The following PDE4D variants were observed in gnomAD, a reference collection of about 807,000 sequenced individuals.
PDE4D encodes the protein 3',5'-cyclic-AMP phosphodiesterase 4D.
A neutral mutation model predicts 87.4 loss-of-function variants in PDE4D; 24 were observed. That is an observed-to-expected ratio of 0.27 (90% CI 0.20 to 0.39). The LOEUF (loss-of-function observed/expected upper bound fraction) is 0.39, where lower values mean the gene tolerates loss of function less well. Ranked by LOEUF, PDE4D falls within the 10% of genes least tolerant of loss-of-function variation. The pLI is 1.00. For synonymous variants in PDE4D, 384 were observed against 383.2 expected (o/e 1.00, Z -0.02); for missense variants, 714 against 1,041.0 (o/e 0.69, Z 4.32).
chr5:60,339,235 C>T (rs1214886310), intron 1 of PDE4D, among the ~76,000 whole-genome samples: 2 of 152,044 alleles, frequency 1.3e-5, no homozygotes, highest in Non-Finnish European at 2.9e-5. Flanking sequence ...AAAGGAAGCA[C>T]TTTAGGGATA....
At chr5:59,189,659 G>A (rs935551424) in intron 3 of PDE4D, among the ~76,000 whole-genome samples, 1 of 152,046 alleles carries the variant, frequency 6.6e-6, no homozygotes, top group Non-Finnish European at 1.5e-5. Flanking sequence ...AAGAACTCTG[G>A]CCAAGAAAAA....
At position 58,975,886 on chromosome 5, in the gene PDE4D, TAA is replaced by T. The variant is rs112200987; in HGVS notation, c.1831-49_1831-48del. 1 of 1,067,228 alleles carries T rather than the reference TAA, an allele frequency of 9.4e-7. No homozygotes were observed. Among genetic ancestry groups the T allele is most frequent in the African/African-American group, 1.6e-5 (1 of 60,640 alleles). The allele number at this position is 1,067,228 out of a possible 1,614,324, so 66.1% of individuals were successfully genotyped here. A position where few individuals can be genotyped will look rare whatever the true frequency, so the allele number is the denominator to read the frequency against. On this transcript the variant is annotated intron_variant, in intron 13 of 14. Coordinates refer to ENST00000340635, the MANE Select transcript of PDE4D (RefSeq NM_001104631.2). The surrounding 1 kb of genome is among the most constrained non-coding windows in gnomAD (Gnocchi z 4.2). ...TCTATTCACTCCTGTTCCTTTTTTTTAAAAAAAAAAACAAAAAAAACTAGAAA... is the reference window on the plus strand; with the variant it reads ...TCTATTCACTCCTGTTCCTTTTTTTTAAAAAAAAACAAAAAAAACTAGAAA...
At chr5:60,022,175 G>C (rs924402529) in intron 2 of PDE4D, among the ~76,000 whole-genome samples, 1 of 111,754 alleles carries the variant, frequency 8.9e-6, no homozygotes, top group South Asian at 3.2e-4. Flanking sequence ...CAGTTTTAAA[G>C]GTCATTTTTT....
intron 3 of PDE4D, among the ~76,000 whole-genome samples, chr5:59,901,557 T>A (rs1414487460): frequency 6.6e-6 from 1 of 152,000 alleles, no homozygotes; most frequent in Non-Finnish European, 1.5e-5. Flanking sequence ...AAGGACTATT[T>A]CAAAATAAGT....
At chr5:59,065,063 TATATACACACACACAC>T (rs761849288) in intron 5 of PDE4D, among the ~76,000 whole-genome samples, 1,937 of 109,306 alleles carry the variant, frequency 0.018, 86 homozygotes, top group East Asian at 0.13. Context: ...ATGTGATATA[TATATACACACACACAC>T]ACACACACAC....
chr5:59,897,134 G>A, upstream of PDE4D, among the ~76,000 whole-genome samples: 1 of 152,304 alleles, frequency 6.6e-6, no homozygotes, highest in African/African-American at 2.4e-5. Flanking sequence ...TAAATGATCA[G>A]TATCTTTTTC....
intron 2 of PDE4D, among the ~76,000 whole-genome samples, chr5:60,031,354 T>C (rs187624987): frequency 6.6e-6 from 1 of 152,308 alleles, no homozygotes; most frequent in Admixed American, 6.5e-5. Flanking sequence ...GCTATTTGCT[T>C]TCCTTTACTT....
At chr5:59,332,922 T>C (rs1179196862) in intron 1 of PDE4D, among the ~76,000 whole-genome samples, 5 of 152,120 alleles carry the variant, frequency 3.3e-5, no homozygotes, top group Non-Finnish European at 1.5e-5. Context: ...GCCAAGAAAA[T>C]TGTGGAGATG....
intron 1 of PDE4D, among the ~76,000 whole-genome samples, chr5:60,298,316 C>T (rs1753597964): frequency 6.6e-6 from 1 of 152,124 alleles, no homozygotes; most frequent in Admixed American, 6.5e-5. Flanking sequence ...AAGTTATCCA[C>T]CTTCATAGCC....
At chr5:60,220,928 C>T (rs1210705711) in intron 1 of PDE4D, among the ~76,000 whole-genome samples, 1 of 152,050 alleles carries the variant, frequency 6.6e-6, no homozygotes, top group African/African-American at 2.4e-5. Flanking sequence ...ATTCTTTGAT[C>T]TAGAACGTTT....
intron 5 of PDE4D, among the ~76,000 whole-genome samples, chr5:59,133,480 G>A (rs559646348): frequency 6.6e-6 from 1 of 152,022 alleles, no homozygotes; most frequent in South Asian, 2.1e-4. Flanking sequence ...AGCAACAGAA[G>A]ACACAGCATT....
chr5:60,269,729 A>G (rs749378846), intron 1 of PDE4D, among the ~76,000 whole-genome samples: 1 of 152,240 alleles, frequency 6.6e-6, no homozygotes, highest in East Asian at 1.9e-4. Flanking sequence ...AAAGTTATAC[A>G]TATGTAAGAT....
chr5:60,030,252 C>T (rs1188442940), intron 2 of PDE4D, among the ~76,000 whole-genome samples: 3 of 151,924 alleles, frequency 2.0e-5, no homozygotes, highest in Non-Finnish European at 4.4e-5. Flanking sequence ...AGATCGAGAC[C>T]ATCCTGGCTA....
intron 1 of PDE4D, among the ~76,000 whole-genome samples, chr5:59,872,300 CAA>C (rs1554102687): frequency 6.7e-4 from 98 of 146,974 alleles, no homozygotes; most frequent in Admixed American, 1.7e-3. Flanking sequence ...CACACACACA[CAA>C]GAGCACACAG....
intron 1 of PDE4D, among the ~76,000 whole-genome samples, chr5:59,417,596 T>C (rs1793822738): frequency 6.6e-6 from 1 of 152,052 alleles, no homozygotes; most frequent in Non-Finnish European, 1.5e-5. Flanking sequence ...CTCAAGCTCA[T>C]GGCTAACTTT....
intron 5 of PDE4D, among the ~76,000 whole-genome samples, chr5:59,142,337 A>C (rs926970914): frequency 1.3e-5 from 2 of 151,896 alleles, no homozygotes; most frequent in African/African-American, 4.9e-5. Context: ...TTTCTCCCCA[A>C]CCTTCATTTT....
intron 1 of PDE4D, chr5:60,487,860 G>A (rs1749278393): frequency 6.6e-6 from 1 of 152,256 alleles, no homozygotes; most frequent in Admixed American, 6.6e-5. Flanking sequence ...TGCTAGTTCA[G>A]TATTTTCTAC....
chr5:59,493,283 G>T (rs1232833911), intron 1 of PDE4D, among the ~76,000 whole-genome samples: 1 of 152,104 alleles, frequency 6.6e-6, no homozygotes, highest in South Asian at 2.1e-4. Context: ...AAAAATCCGT[G>T]TACTAAAGCA....
At position 60,264,034 on chromosome 5, in the gene PDE4D, A is replaced by T. The variant is rs190408602; in HGVS notation, c.-89-78347T>A. 7.9e-5 allele frequency among the ~76,000 whole-genome samples: 12 copies of T among 152,158 alleles called. No individual in the cohort carries two copies. In the South Asian group the frequency reaches 2.3e-3, roughly 29 times the overall value. ...TAAAATAAATAATAAACTAAAAGGG[A>T]TTTCTGAAAAGGAGACAAAAAGATA... On this transcript the variant is annotated intron_variant, in intron 1 of 16. Transcript: ENST00000502484.
Sources: allele counts gnomAD v4.1 joint callset (sites outside exome capture counted in the v4.1 genomes callset), GRCh38; gene constraint gnomAD v4.1.1; non-coding constraint Gnocchi (gnomAD v3.1); transcripts MANE v1.5; gene names NCBI Gene and HGNC (gene_info 2026-07-23, HGNC 2026-07-21).